ERMAP: variants seen among roughly 807,000 people sequenced by gnomAD.
ERMAP encodes the protein erythroid membrane-associated protein.
A neutral mutation model predicts 49.5 loss-of-function variants in ERMAP; 34 were observed. The observed-to-expected ratio is 0.69, with a 90% CI of 0.52 to 0.91. The LOEUF (loss-of-function observed/expected upper bound fraction) is 0.91. Ranked by LOEUF, ERMAP falls within the 40% of genes least tolerant of loss-of-function variation. The probability of loss-of-function intolerance (pLI) is 0.00; values close to 1 mark genes in which losing one functional copy is unlikely to be tolerated. For missense variants in ERMAP, 541 were observed against 582.6 expected (o/e 0.93, Z 0.74); for synonymous variants, 214 against 232.2 (o/e 0.92, Z 0.71).
At chr1:42,823,738 T>A (rs536807553) in intron 1 of ERMAP, among the ~76,000 whole-genome samples, 5 of 152,200 alleles carry the variant, frequency 3.3e-5, no homozygotes, top group Non-Finnish European at 5.9e-5. Context: ...TTATGCATCC[T>A]TCCCATTTTG....
chr1:42,829,482 A>G (rs1192978459), intron 2 of ERMAP, among the ~76,000 whole-genome samples: 1 of 152,160 alleles, frequency 6.6e-6, no homozygotes, highest in Non-Finnish European at 1.5e-5. Context: ...TACATTTTAA[A>G]CTTTATGCTC....
At chr1:42,836,344 G>A (rs1294452415) in intron 6 of ERMAP, among the ~76,000 whole-genome samples, 24 of 152,158 alleles carry the variant, frequency 1.6e-4, no homozygotes, top group Admixed American at 1.4e-3. Flanking sequence ...ACCAGCCACC[G>A]CAGAAAGAAC....
chr1:42,829,119 C>CA (rs1401735819), intron 2 of ERMAP, among the ~76,000 whole-genome samples: 2 of 152,088 alleles, frequency 1.3e-5, no homozygotes, highest in African/African-American at 4.8e-5. Context: ...GGGACAGTCA[C>CA]AAAAAAATGT....
chr1:42,833,927 C>CA (rs1220860137), intron 4 of ERMAP, among the ~76,000 whole-genome samples: 1 of 151,960 alleles, frequency 6.6e-6, no homozygotes, highest in South Asian at 2.1e-4. Flanking sequence ...TTGTCTCTAC[C>CA]AAAAAAATAC....
chr1:42,817,435 GGCAA>G (rs1654275411), intron 1 of ERMAP, 182 bp downstream of exon 1: 1 of 239,550 alleles, frequency 4.2e-6, no homozygotes, highest in South Asian at 6.6e-5. Context: ...GGCGGGGCGG[GGCAA>G]GCCGGTGCCG....
rs142294429 is a variant in ERMAP, at chr1:42,823,796, A to C, written c.-121-1827A>C. On this transcript the variant is annotated intron_variant, in intron 1 of 11. Transcript: ENST00000372517. ...GTGTATCTAAGAGTTGAAATTTAAT[A>C]AAATTTGTAACTTCTACTACAGTTT... Among the ~76,000 whole-genome samples, 11 of 152,360 alleles carry C rather than the reference A, an allele frequency of 7.2e-5. No homozygotes were observed. The East Asian group carries it at 1.3e-3, about 19-fold the overall frequency.
intron 2 of ERMAP, among the ~76,000 whole-genome samples, chr1:42,827,619 G>A (rs1654593283): frequency 6.6e-6 from 1 of 152,188 alleles, no homozygotes; most frequent in Non-Finnish European, 1.5e-5. Context: ...CCTACAATAA[G>A]TAAGACAGAA....
Position 42,830,528 on chromosome 1 carries a change from T to C in ERMAP, c.80T>C (p.Val27Ala). 1.2e-6 allele frequency: 2 copies of C among 1,613,964 alleles called. No individual in the cohort carries two copies. Among genetic ancestry groups the C allele is most frequent in the African/African-American group, 2.7e-5 (2 of 75,028 alleles). ...GTCTTCCTCCGGCTGTCTGTGCATGTGTCAGGTAGGAGTTTCTGATCCTCT... is the reference window on the plus strand; with the variant it reads ...GTCTTCCTCCGGCTGTCTGTGCATGCGTCAGGTAGGAGTTTCTGATCCTCT... The part of the protein sequence containing the change: ...PLVFLRLSVH[V>A]SGHAGDAGKF... The change falls in exon 3 of 12, where the codon GTG becomes GCG. Residue 27 changes from valine (V) to alanine (A), a missense_variant. Coordinates refer to ENST00000372517, the MANE Select transcript of ERMAP (RefSeq NM_001017922.2).
At chr1:42,831,575 C>CTTTTTTTTTTT (rs796367653) in intron 4 of ERMAP, among the ~76,000 whole-genome samples, 11 of 83,980 alleles carry the variant, frequency 1.3e-4, no homozygotes, top group Non-Finnish European at 1.9e-4. Context: ...TTTTTTTTCT[C>CTTTTTTTTTTT]TTTTTTTTTT....
intron 1 of ERMAP, among the ~76,000 whole-genome samples, chr1:42,820,146 G>A (rs1279684251): frequency 2.6e-5 from 4 of 152,176 alleles, no homozygotes; most frequent in Non-Finnish European, 5.9e-5. Flanking sequence ...AGCTTCTCAT[G>A]TGGCTACTCT....
At chr1:42,841,455 G>A (rs1235095351) in intron 11 of ERMAP, among the ~76,000 whole-genome samples, 1 of 152,204 alleles carries the variant, frequency 6.6e-6, no homozygotes, top group Non-Finnish European at 1.5e-5. Context: ...CAAGGCTGTA[G>A]TGTGTTATGA....
At chr1:42,838,749 G>C in intron 7 of ERMAP, 152 bp from the exon 8 acceptor site, 2 of 1,243,162 alleles carry the variant, frequency 1.6e-6, no homozygotes, top group Admixed American at 4.0e-5. Context: ...CAGATTTCTG[G>C]GTCTGAACTC....
rs571879506 is a variant in ERMAP, at chr1:42,830,327, C to T, written c.-5-117C>T. On this transcript the variant is annotated intron_variant, in intron 2 of 11. Coordinates refer to ENST00000372517, the MANE Select transcript of ERMAP (RefSeq NM_001017922.2). Reference sequence around the variant, plus strand: ...AGTAGCAGAGCTGGGATTGGAGCCCCGGCCTTTGTGATCCCAGAGCACCAG... The same window carrying T: ...AGTAGCAGAGCTGGGATTGGAGCCCTGGCCTTTGTGATCCCAGAGCACCAG... 4.7e-4 allele frequency: 387 copies of T among 826,884 alleles called. 8 individuals carry two copies. The South Asian group carries it at 5.8e-3, about 12-fold the overall frequency. 51.2% of individuals were successfully genotyped at this position (826,884 alleles called of 1,614,324 possible).
rs773468473 is a variant in ERMAP at position 42,840,023 on chromosome 1, C to T, written c.638-10C>T. 1 of 1,614,110 alleles carries T rather than the reference C, an allele frequency of 6.2e-7. No homozygotes were observed. The highest frequency in any genetic ancestry group is 8.5e-7 in the Non-Finnish European group (1 of 1,179,994). On this transcript the variant is annotated splice_polypyrimidine_tract_variant and intron_variant, in intron 8 of 11. Transcript: ENST00000372517. The stretch of plus-strand genomic sequence containing the variant: ...TCCTTCTGATTTGCCAAATTGTTTT[C>T]ATTCTTTAGAGAAACTCCGGAGTGA...
intron 3 of ERMAP, 101 bp from the exon 4 acceptor site, chr1:42,830,667 T>A (rs1204386735): frequency 7.1e-7 from 1 of 1,416,052 alleles, no homozygotes; most frequent in African/African-American, 1.4e-5. Context: ...TCCAGAGTCC[T>A]TCCTGGGCTC....
At chr1:42,825,240 A>C (rs1414686310) in intron 1 of ERMAP, among the ~76,000 whole-genome samples, 1 of 152,174 alleles carries the variant, frequency 6.6e-6, no homozygotes, top group Non-Finnish European at 1.5e-5. Context: ...GCTGGAGATA[A>C]AGATAGTGAG....
At chr1:42,834,984 C>G (rs201936238) in intron 4 of ERMAP, 54 bp from the exon 5 acceptor site, 9 of 799,798 alleles carry the variant, frequency 1.1e-5, no homozygotes, top group African/African-American at 1.0e-4. Context: ...CTGAGGCATG[C>G]CAGAAGCTCT....
intron 4 of ERMAP, among the ~76,000 whole-genome samples, chr1:42,831,575 C>CTCT (rs1557609279): frequency 1.2e-5 from 1 of 84,010 alleles, no homozygotes; most frequent in African/African-American, 5.7e-5. Flanking sequence ...TTTTTTTTCT[C>CTCT]TTTTTTTTTT....
At chr1:42,824,279 C>T (rs914155733) in intron 1 of ERMAP, among the ~76,000 whole-genome samples, 1 of 150,588 alleles carries the variant, frequency 6.6e-6, no homozygotes, top group Non-Finnish European at 1.5e-5. Context: ...GCCCAGGAGG[C>T]GGAGCTTGCA....
Sources: allele counts gnomAD v4.1 joint callset (sites outside exome capture counted in the v4.1 genomes callset), GRCh38; gene constraint gnomAD v4.1.1; transcripts MANE v1.5; gene names NCBI Gene and HGNC (gene_info 2026-07-23, HGNC 2026-07-21).